LRFN2: variants seen among roughly 807,000 people sequenced by gnomAD.
LRFN2 encodes leucine rich repeat and fibronectin type III domain containing 2.
In LRFN2, 18 loss-of-function variants were observed where a neutral mutation model predicts 37.3. The ratio of observed to expected loss-of-function variants is 0.48; its 90% confidence interval spans 0.33 to 0.72. The LOEUF is 0.72. Among genes scored for constraint, LRFN2 ranks in the 30% least tolerant of loss-of-function variants. The probability of loss-of-function intolerance (pLI) is 0.02; values close to 1 mark genes in which losing one functional copy is unlikely to be tolerated. For synonymous variants in LRFN2, 556 were observed against 466.6 expected (o/e 1.19, Z -2.47); for missense variants, 1,006 against 1,060.7 (o/e 0.95, Z 0.72).
Position 40,554,680 on chromosome 6 carries a change from A to G in LRFN2, c.-19+32261T>C, listed in dbSNP as rs561365997. Among the ~76,000 whole-genome samples the G allele has an allele frequency of 3.3e-5, 5 of 152,292 alleles. No individual in the cohort carries two copies. In the South Asian group the frequency reaches 1.0e-3, roughly 32 times the overall value. On this transcript the variant is annotated intron_variant, in intron 1 of 2. Transcript: ENST00000338305. ...GCTGAGCTGAAATGAGGTCCCTTGT[A>G]CAGATGGGTGAACTGAGACCCAAGG...
At chr6:40,463,617 C>T (rs1397272813) in intron 1 of LRFN2, among the ~76,000 whole-genome samples, 6 of 151,854 alleles carry the variant, frequency 4.0e-5, no homozygotes, top group Admixed American at 2.6e-4. Flanking sequence ...ATACTTACTC[C>T]ACTCCATGTT....
chr6:40,436,172 T>C (rs1188642329), intron 1 of LRFN2, among the ~76,000 whole-genome samples: 1 of 152,256 alleles, frequency 6.6e-6, no homozygotes, highest in Admixed American at 6.5e-5. Flanking sequence ...TTTTACAAAC[T>C]CTTCAAAATC....
intron 1 of LRFN2, among the ~76,000 whole-genome samples, chr6:40,482,760 C>G (rs891867528): frequency 2.0e-5 from 3 of 152,184 alleles, no homozygotes; most frequent in African/African-American, 7.2e-5. Flanking sequence ...CAGGCCCTGC[C>G]TCCCCCTCCT....
chr6:40,404,284 T>C (rs1051909364), intron 2 of LRFN2, among the ~76,000 whole-genome samples: 4 of 152,148 alleles, frequency 2.6e-5, no homozygotes, highest in Admixed American at 6.5e-5. Flanking sequence ...GGTTGTTTTT[T>C]TGTTTTTTGT....
chr6:40,556,211 C>T (rs868795788), intron 1 of LRFN2, among the ~76,000 whole-genome samples: 9 of 152,164 alleles, frequency 5.9e-5, no homozygotes, highest in Middle Eastern at 3.2e-3. Flanking sequence ...ATCAGAGGCC[C>T]TCCCACAGCC....
At chr6:40,441,690 G>A (rs1428044508) in intron 1 of LRFN2, among the ~76,000 whole-genome samples, 1 of 152,140 alleles carries the variant, frequency 6.6e-6, no homozygotes, top group African/African-American at 2.4e-5. Context: ...ACCTTGGGCT[G>A]CTCCTCCTCT....
At chr6:40,489,925 C>A (rs894516064) in intron 1 of LRFN2, among the ~76,000 whole-genome samples, 8 of 152,292 alleles carry the variant, frequency 5.3e-5, no homozygotes, top group East Asian at 1.9e-4. Flanking sequence ...ACCACCTCAG[C>A]CCCAGCTGCT....
At chr6:40,441,958 A>G (rs561724831) in intron 1 of LRFN2, among the ~76,000 whole-genome samples, 1 of 152,210 alleles carries the variant, frequency 6.6e-6, no homozygotes, top group South Asian at 2.1e-4. Flanking sequence ...ATGCCCAGGG[A>G]TGCATTTCCA....
At chr6:40,412,491 G>A (rs1228070478) in intron 2 of LRFN2, among the ~76,000 whole-genome samples, 7 of 152,120 alleles carry the variant, frequency 4.6e-5, no homozygotes, top group African/African-American at 7.2e-5. Context: ...TATGAGAGTC[G>A]CTCAGACCAT....
chr6:40,583,710 T>C (rs1334346748), intron 1 of LRFN2, among the ~76,000 whole-genome samples: 3 of 152,084 alleles, frequency 2.0e-5, no homozygotes, highest in Non-Finnish European at 2.9e-5. Flanking sequence ...CTCTCTCAAA[T>C]TGGATGTATC....
In LRFN2 at chr6:40,519,786, G is replaced by A. The variant is rs143933916; in HGVS notation, c.-19+67155C>T. ...CTGATAACAAACAGGGGAAGCAGGTGAGTCTATAGGGCAGGAAAGAAAGCG... is the reference window on the plus strand; with the variant it reads ...CTGATAACAAACAGGGGAAGCAGGTAAGTCTATAGGGCAGGAAAGAAAGCG... On this transcript the variant is annotated intron_variant, in intron 1 of 2. Coordinates refer to ENST00000338305, the MANE Select transcript of LRFN2 (RefSeq NM_020737.3). Among the ~76,000 whole-genome samples the A allele has an allele frequency of 6.6e-4, 100 of 152,284 alleles. 1 individual carries two copies. Among genetic ancestry groups the A allele is most frequent in the African/African-American group, 2.2e-3 (90 of 41,574 alleles).
intron 1 of LRFN2, among the ~76,000 whole-genome samples, chr6:40,561,672 T>C (rs1766996788): frequency 6.6e-6 from 1 of 152,210 alleles, no homozygotes; most frequent in African/African-American, 2.4e-5. Flanking sequence ...TTACTCAGCA[T>C]GGAAAAGCTG....
chr6:40,490,838 C>T (rs1056775012), intron 1 of LRFN2, among the ~76,000 whole-genome samples: 5 of 152,230 alleles, frequency 3.3e-5, no homozygotes, highest in Non-Finnish European at 5.9e-5. Flanking sequence ...CTTTCTGGCC[C>T]TCTGTTCCCT....
chr6:40,543,891 G>C (rs1165207474), intron 1 of LRFN2, among the ~76,000 whole-genome samples: 1 of 152,218 alleles, frequency 6.6e-6, no homozygotes, highest in Non-Finnish European at 1.5e-5. Context: ...CCTGCAGCCA[G>C]GTTCTAAATG....
intron 1 of LRFN2, among the ~76,000 whole-genome samples, chr6:40,535,518 A>G (rs1766432151): frequency 6.6e-6 from 1 of 152,158 alleles, no homozygotes; most frequent in Non-Finnish European, 1.5e-5. Context: ...AGACATCCCC[A>G]CTGCAGCCTG....
At chr6:40,527,386 A>G (rs968003058) in intron 1 of LRFN2, among the ~76,000 whole-genome samples, 98 of 152,176 alleles carry the variant, frequency 6.4e-4, no homozygotes, top group African/African-American at 2.2e-3. Flanking sequence ...TATTCAATTG[A>G]CCCTGTAGCC....
chr6:40,457,084 C>T (rs1764250364), intron 1 of LRFN2, among the ~76,000 whole-genome samples: 1 of 152,106 alleles, frequency 6.6e-6, no homozygotes, highest in Non-Finnish European at 1.5e-5. Context: ...TTCTCTCCTC[C>T]TCCTCTTCCC....
intron 1 of LRFN2, among the ~76,000 whole-genome samples, chr6:40,505,228 A>ATCCCT (rs1489390969): frequency 6.6e-6 from 1 of 152,194 alleles, no homozygotes; most frequent in East Asian, 1.9e-4. Context: ...AGTCGGTGAG[A>ATCCCT]TCCCTAACAT....
intron 1 of LRFN2, among the ~76,000 whole-genome samples, chr6:40,532,974 C>G (rs577255061): frequency 3.3e-5 from 5 of 152,304 alleles, no homozygotes; most frequent in South Asian, 4.1e-4. Context: ...TGACAGGCTG[C>G]CTGTGGTTGT....
Sources: allele counts gnomAD v4.1 joint callset (sites outside exome capture counted in the v4.1 genomes callset), GRCh38; gene constraint gnomAD v4.1.1; transcripts MANE v1.5; gene names NCBI Gene and HGNC (gene_info 2026-07-23, HGNC 2026-07-21).